DNM3: variants seen among roughly 807,000 people sequenced by gnomAD.
The protein encoded by DNM3 is dynamin-3.
DNM3 carries 47 observed loss-of-function variants against 101.6 expected under a neutral mutation model. That is an observed-to-expected ratio of 0.46 (90% CI 0.37 to 0.59). The LOEUF (loss-of-function observed/expected upper bound fraction) is 0.59. Among genes scored for constraint, DNM3 ranks in the 20% least tolerant of loss-of-function variants. The pLI is 0.00. For synonymous variants in DNM3, 385 were observed against 387.9 expected (o/e 0.99, Z 0.09); for missense variants, 849 against 1,085.7 (o/e 0.78, Z 3.06).
chr1:172,049,496 T>C (rs1433550403), intron 10 of DNM3, among the ~76,000 whole-genome samples: 1 of 152,112 alleles, frequency 6.6e-6, no homozygotes. Flanking sequence ...ATCTATGCTG[T>C]AGAGTGCTGG....
chr1:172,048,872 G>A (rs2050004080), intron 10 of DNM3, 122 bp downstream of exon 10: 2 of 1,241,086 alleles, frequency 1.6e-6, no homozygotes, highest in Non-Finnish European at 2.2e-6. Context: ...TTTGCCTACA[G>A]GGAATGGTTG....
At chr1:172,154,271 T>C (rs2058253937) in intron 14 of DNM3, among the ~76,000 whole-genome samples, 1 of 149,838 alleles carries the variant, frequency 6.7e-6, no homozygotes, top group South Asian at 2.1e-4. Flanking sequence ...TCAAGGCCAC[T>C]AAAAAATCAC....
Position 172,408,780 on chromosome 1 carries a change from G to T in DNM3, c.*939G>T, listed in dbSNP as rs913828631. On this transcript the variant is annotated 3_prime_UTR_variant, in exon 21 of 21. Coordinates refer to ENST00000627582, the MANE Select transcript of DNM3 (RefSeq NM_015569.5). ...AAATTCACTCTTTACGTGCTAATTT[G>T]TAATCTTGTTTTGTAAGAATTTATC... is the stretch of plus-strand genomic sequence containing the variant. 5.1e-6 allele frequency: 5 copies of T among 985,062 alleles called. No homozygotes were observed. In the African/African-American group the frequency reaches 8.7e-5, roughly 17 times the overall value. 61.0% of individuals were successfully genotyped at this position (985,062 alleles called of 1,614,324 possible). A position where few individuals can be genotyped will look rare whatever the true frequency, so the allele number is the denominator to read the frequency against.
At chr1:172,059,007 G>C (rs1441423278) in intron 10 of DNM3, among the ~76,000 whole-genome samples, 1 of 152,132 alleles carries the variant, frequency 6.6e-6, no homozygotes, top group Non-Finnish European at 1.5e-5. Flanking sequence ...AAATGATAAA[G>C]GGGATATCAC....
At chr1:172,223,978 T>A (rs1462039608) in intron 14 of DNM3, among the ~76,000 whole-genome samples, 4 of 152,178 alleles carry the variant, frequency 2.6e-5, no homozygotes, top group African/African-American at 9.6e-5. Flanking sequence ...CAGCTTAATC[T>A]CCATAAAGCG....
chr1:171,863,909 G>A (rs952205350), intron 1 of DNM3, among the ~76,000 whole-genome samples: 1 of 152,212 alleles, frequency 6.6e-6, no homozygotes, highest in Non-Finnish European at 1.5e-5. Flanking sequence ...TACTTAGTAT[G>A]AGCCTTATTG....
At chr1:172,415,809 C>T (rs139866561), downstream of DNM3, among the ~76,000 whole-genome samples, 137 of 152,126 alleles carry the variant, frequency 9.0e-4, no homozygotes, top group African/African-American at 3.2e-3. Flanking sequence ...GGATTACAGG[C>T]ATGAGCCACT....
chr1:172,372,532 C>G (rs768063696), intron 17 of DNM3, among the ~76,000 whole-genome samples: 8 of 151,432 alleles, frequency 5.3e-5, no homozygotes, highest in Non-Finnish European at 1.0e-4. Context: ...TGTGTCATGC[C>G]CTTTCTATTT....
At chr1:171,931,582 A>C (rs1400660261) in intron 2 of DNM3, among the ~76,000 whole-genome samples, 1 of 152,210 alleles carries the variant, frequency 6.6e-6, no homozygotes, top group Admixed American at 6.5e-5. Flanking sequence ...ATAGGTAAAA[A>C]ATTTTAAACA....
In DNM3 at chr1:172,002,456, T is replaced by G. The variant is rs143553526; in HGVS notation, c.589+13308T>G. The stretch of plus-strand genomic sequence containing the variant: ...TTGTTCTTTTAAATTGAGAATTTAC[T>G]ATGCATTGGGCTTGAACAAGACAAA... On this transcript the variant is annotated intron_variant, in intron 4 of 20. Transcript: ENST00000627582. 2.0e-3 allele frequency among the ~76,000 whole-genome samples: 297 copies of G among 152,232 alleles called. 2 individuals are homozygous for G. Among genetic ancestry groups the G allele is most frequent in the African/African-American group, 6.8e-3 (281 of 41,582 alleles).
chr1:172,272,550 T>C (rs2148753626), intron 15 of DNM3, among the ~76,000 whole-genome samples: 1 of 152,274 alleles, frequency 6.6e-6, no homozygotes, highest in South Asian at 2.1e-4. Flanking sequence ...TTCTACACTT[T>C]GGCTATTTCA....
At chr1:172,153,172 G>A (rs557097311) in intron 14 of DNM3, among the ~76,000 whole-genome samples, 140 of 152,110 alleles carry the variant, frequency 9.2e-4, no homozygotes, top group Non-Finnish European at 1.6e-3. Flanking sequence ...TTGTCAAATG[G>A]TGTAAAGAAA....
downstream of DNM3, chr1:172,415,313 A>C (rs538689259): frequency 6.6e-6 from 1 of 152,260 alleles, no homozygotes; most frequent in East Asian, 1.9e-4. Flanking sequence ...CTGACTCTCC[A>C]AAAAAGGGAT....
chr1:172,292,617 ACACACACG>A lies in DNM3; in HGVS notation c.1770-16109_1770-16102del, dbSNP rs1229116489. ...TAGAAGACTTCACACACACACACACACACACACGCGCGTGCGTATATTCCTTACACGCA... is the reference window on the plus strand; with the variant it reads ...TAGAAGACTTCACACACACACACACACGCGTGCGTATATTCCTTACACGCA... On this transcript the variant is annotated intron_variant, in intron 15 of 20. Transcript: ENST00000627582. Among the ~76,000 whole-genome samples, 6 of 146,208 alleles carry A rather than the reference ACACACACG, an allele frequency of 4.1e-5. No individual in the cohort carries two copies. In the East Asian group the frequency reaches 1.2e-3, roughly 29 times the overall value.
At chr1:172,108,182 A>G (rs372035619) in intron 13 of DNM3, among the ~76,000 whole-genome samples, 1 of 151,966 alleles carries the variant, frequency 6.6e-6, no homozygotes, top group Non-Finnish European at 1.5e-5. Context: ...TCCTCCTCAG[A>G]TATGTATATG....
intron 14 of DNM3, among the ~76,000 whole-genome samples, chr1:172,207,187 T>C (rs965750702): frequency 6.6e-6 from 1 of 152,120 alleles, no homozygotes; most frequent in Non-Finnish European, 1.5e-5. Flanking sequence ...CAACATGTCC[T>C]TAGTGCTACT....
intron 14 of DNM3, among the ~76,000 whole-genome samples, chr1:172,166,266 T>C (rs1356059699): frequency 6.6e-6 from 1 of 152,132 alleles, no homozygotes; most frequent in East Asian, 1.9e-4. Flanking sequence ...GTGGAATAAT[T>C]ATAGCTGATA....
At chr1:172,015,524 G>T (rs537021967) in intron 4 of DNM3, among the ~76,000 whole-genome samples, 1 of 151,960 alleles carries the variant, frequency 6.6e-6, no homozygotes, top group Admixed American at 6.5e-5. Flanking sequence ...CATTTTGGGG[G>T]GTTCTAATGT....
At chr1:172,153,483 T>C (rs1311884425) in intron 14 of DNM3, among the ~76,000 whole-genome samples, 1 of 152,152 alleles carries the variant, frequency 6.6e-6, no homozygotes, top group African/African-American at 2.4e-5. Context: ...ATCAATCACA[T>C]GATCAGAAAG....
Sources: gnomAD v4.1 joint callset for allele counts (sites outside exome capture counted in the v4.1 genomes callset) on GRCh38, gnomAD v4.1.1 for gene constraint, MANE v1.5 for transcripts, NCBI Gene and HGNC (gene_info 2026-07-23, HGNC 2026-07-21) for gene names.